TRABD2B: variants seen among roughly 807,000 people sequenced by gnomAD.
TRABD2B encodes metalloprotease TIKI2.
Under a neutral mutation model 40.1 loss-of-function variants are expected in TRABD2B, and 14 were observed. That is an observed-to-expected ratio of 0.35 (90% CI 0.23 to 0.55). The LOEUF (loss-of-function observed/expected upper bound fraction) is 0.55, where lower values mean the gene tolerates loss of function less well. Ranked by LOEUF, TRABD2B falls within the 20% of genes least tolerant of loss-of-function variation. TRABD2B has a pLI of 0.90. For synonymous variants in TRABD2B, 263 were observed against 277.0 expected (o/e 0.95, Z 0.50); for missense variants, 541 against 648.6 (o/e 0.83, Z 1.80).
At chr1:47,910,122 A>G (rs1404851264) in intron 2 of TRABD2B, among the ~76,000 whole-genome samples, 1 of 151,944 alleles carries the variant, frequency 6.6e-6, no homozygotes, top group Non-Finnish European at 1.5e-5. Flanking sequence ...GGCTTCCCAA[A>G]GTGCTGGGAT....
In TRABD2B at chr1:47,765,729, T is replaced by C; in HGVS notation, c.*173A>G. 1.6e-6 allele frequency: 1 copy of C among 629,714 alleles called. No individual in the cohort carries two copies. The highest frequency in any genetic ancestry group is 1.8e-5 in the South Asian group (1 of 54,710). The allele number at this position is 629,714 out of a possible 1,614,324, so 39.0% of individuals were successfully genotyped here. A position where few individuals can be genotyped will look rare whatever the true frequency, so the allele number is the denominator to read the frequency against. ...GCACTATGGGAAATTAAGATCCTTCTACAAAAAAGAAGATGTAACTTGGGT... is the reference window on the plus strand; with the variant it reads ...GCACTATGGGAAATTAAGATCCTTCCACAAAAAAGAAGATGTAACTTGGGT... On this transcript the variant is annotated 3_prime_UTR_variant, in exon 7 of 7. Coordinates refer to ENST00000606738, the MANE Select transcript of TRABD2B (RefSeq NM_001194986.2).
chr1:47,809,408 C>T (rs970301238), intron 2 of TRABD2B, among the ~76,000 whole-genome samples: 27 of 152,066 alleles, frequency 1.8e-4, no homozygotes, highest in African/African-American at 6.3e-4. Flanking sequence ...AGTGAGTCGC[C>T]CGTCACAGGA....
intron 6 of TRABD2B, 148 bp downstream of exon 6, chr1:47,775,022 A>G: frequency 1.6e-6 from 1 of 644,106 alleles, no homozygotes; most frequent in Non-Finnish European, 2.2e-6. Context: ...GAAAAATCAG[A>G]TGGGAACGTG....
intron 2 of TRABD2B, among the ~76,000 whole-genome samples, chr1:47,955,165 C>A (rs1392972535): frequency 6.6e-6 from 1 of 152,184 alleles, no homozygotes; most frequent in Admixed American, 6.5e-5. Context: ...GGGCTTTTTC[C>A]TTCATGACAT....
At chr1:47,778,634 G>A (rs1644479885) in intron 4 of TRABD2B, 90 bp from the exon 5 acceptor site, 3 of 917,334 alleles carry the variant, frequency 3.3e-6, no homozygotes, top group Non-Finnish European at 5.1e-6. Context: ...GTTTGTATCT[G>A]GGCCAGTGAC....
At chr1:47,978,281 T>C (rs1324370523) in intron 2 of TRABD2B, among the ~76,000 whole-genome samples, 1 of 152,240 alleles carries the variant, frequency 6.6e-6, no homozygotes, top group African/African-American at 2.4e-5. Context: ...CTGAATCTAC[T>C]AGTGTCTTGA....
chr1:47,785,885 T>C (rs867649094), intron 4 of TRABD2B, among the ~76,000 whole-genome samples: 1 of 152,194 alleles, frequency 6.6e-6, no homozygotes, highest in Non-Finnish European at 1.5e-5. Flanking sequence ...TGAGCCTCAG[T>C]GCTACTTGGA....
At chr1:47,974,786 G>A (rs1022970886) in intron 2 of TRABD2B, among the ~76,000 whole-genome samples, 1 of 152,166 alleles carries the variant, frequency 6.6e-6, no homozygotes, top group South Asian at 2.1e-4. Flanking sequence ...CTCTATAGTG[G>A]AGAAACCTGA....
In TRABD2B at chr1:47,994,677, G is replaced by A. The variant is rs1357205974; in HGVS notation, c.103-80C>T. The A allele has an allele frequency of 1.5e-6, 2 of 1,315,310 alleles. No individual in the cohort carries two copies. Among genetic ancestry groups the A allele is most frequent in the Non-Finnish European group, 2.1e-6 (2 of 972,674 alleles). The allele number at this position is 1,315,310 out of a possible 1,614,324, so 81.5% of individuals were successfully genotyped here. ...CAGGGTAGCCCAGAGGCACGTTGCA[G>A]AGGGAGGTGGGGATGGGAGGCAGAG... On this transcript the variant is annotated intron_variant, in intron 1 of 6. Coordinates refer to ENST00000606738, the MANE Select transcript of TRABD2B (RefSeq NM_001194986.2). The surrounding 1 kb of genome is among the most constrained non-coding windows in gnomAD (Gnocchi z 6.7).
chr1:47,781,916 G>C (rs985662127), intron 4 of TRABD2B, among the ~76,000 whole-genome samples: 1 of 152,216 alleles, frequency 6.6e-6, no homozygotes, highest in African/African-American at 2.4e-5. Context: ...TTCCATCCTG[G>C]TTCTCTCTGT....
chr1:47,962,608 C>T (rs1645537319), intron 2 of TRABD2B, among the ~76,000 whole-genome samples: 1 of 152,184 alleles, frequency 6.6e-6, no homozygotes, highest in Admixed American at 6.5e-5. Flanking sequence ...CTGCTCTAGA[C>T]ACTTTACATA....
chr1:47,863,372 T>TTATATATATATATATAGATATATATA (rs1644004709), intron 2 of TRABD2B, among the ~76,000 whole-genome samples: 1 of 66,496 alleles, frequency 1.5e-5, no homozygotes, highest in African/African-American at 5.3e-5. Flanking sequence ...CTATATAATT[T>TTATATATATATATATAGATATATATA]TATATATATA....
chr1:47,984,222 CCG>C (rs1212903124), intron 2 of TRABD2B, among the ~76,000 whole-genome samples: 1 of 152,232 alleles, frequency 6.6e-6, no homozygotes, highest in Non-Finnish European at 1.5e-5. Flanking sequence ...GCAGGGCTGG[CCG>C]CGCGCCGCGC....
intron 2 of TRABD2B, among the ~76,000 whole-genome samples, chr1:47,808,860 C>A (rs1644925610): frequency 6.6e-6 from 1 of 152,120 alleles, no homozygotes; most frequent in Admixed American, 6.5e-5. Flanking sequence ...CAAGTAGGGG[C>A]CAGTCTTTGA....
chr1:47,916,889 C>T (rs11211630), intron 2 of TRABD2B, among the ~76,000 whole-genome samples: 70,015 of 152,220 alleles, frequency 0.46, 17,929 homozygotes, highest in Middle Eastern at 0.62. Context: ...GAGGCACAGT[C>T]GAGAAAGCTC....
intron 2 of TRABD2B, among the ~76,000 whole-genome samples, chr1:47,903,161 T>C (rs1644625799): frequency 6.6e-6 from 1 of 152,170 alleles, no homozygotes; most frequent in Non-Finnish European, 1.5e-5. Context: ...GTTGCTTATT[T>C]ATGTGTCTAT....
intron 2 of TRABD2B, among the ~76,000 whole-genome samples, chr1:47,945,910 C>G (rs1218032756): frequency 1.3e-5 from 2 of 152,176 alleles, no homozygotes; most frequent in Non-Finnish European, 2.9e-5. Context: ...GGTTAAATAC[C>G]TGCAAGTGGG....
chr1:47,776,947 G>A (rs1188489798), intron 5 of TRABD2B, among the ~76,000 whole-genome samples: 2 of 152,192 alleles, frequency 1.3e-5, no homozygotes, highest in Non-Finnish European at 2.9e-5. Flanking sequence ...ACCTGTGGCC[G>A]ATGATGGCTT....
At position 47,813,036 on chromosome 1, in the gene TRABD2B, A is replaced by G. The variant is rs928679812; in HGVS notation, c.667-11417T>C. On this transcript the variant is annotated intron_variant, in intron 2 of 6. Transcript: ENST00000606738. This position sits in a 1 kb window ranked among gnomAD's most constrained non-coding sequence, Gnocchi z 4.3. ...GTCAGCGGTAGCCGTGGTTACCATT[A>G]TCACTGTTATTGTTATTAAGCAGCT... 3.3e-5 allele frequency among the ~76,000 whole-genome samples: 5 copies of G among 152,242 alleles called. No homozygotes were observed. Among genetic ancestry groups the G allele is most frequent in the Admixed American group, 3.3e-4 (5 of 15,286 alleles).
Sources: allele counts gnomAD v4.1 joint callset (sites outside exome capture counted in the v4.1 genomes callset), GRCh38; gene constraint gnomAD v4.1.1; non-coding constraint Gnocchi (gnomAD v3.1); transcripts MANE v1.5; gene names NCBI Gene and HGNC (gene_info 2026-07-23, HGNC 2026-07-21).